HLCS: variants seen among roughly 807,000 people sequenced by gnomAD.
The protein encoded by HLCS is biotin--protein ligase.
In HLCS, 53 loss-of-function variants were observed where a neutral mutation model predicts 75.0. That is an observed-to-expected ratio of 0.71 (90% CI 0.57 to 0.89). HLCS has a LOEUF of 0.89. Ranked by LOEUF, HLCS falls within the 40% of genes least tolerant of loss-of-function variation. The pLI, the probability that HLCS is intolerant of heterozygous loss-of-function variation, is 0.00. For synonymous variants in HLCS, 431 were observed against 428.6 expected (o/e 1.01, Z -0.07); for missense variants, 966 against 1,074.0 (o/e 0.90, Z 1.41).
intron 6 of HLCS, among the ~76,000 whole-genome samples, chr21:36,884,018 C>A (rs148944694): frequency 2.4e-4 from 36 of 152,316 alleles, no homozygotes; most frequent in Non-Finnish European, 4.1e-4. Flanking sequence ...TGAGTCAACA[C>A]ATTTGTGGGC....
chr21:36,919,478 T>C (rs905058344), intron 5 of HLCS, among the ~76,000 whole-genome samples: 1 of 152,208 alleles, frequency 6.6e-6, no homozygotes, highest in African/African-American at 2.4e-5. Context: ...ATGCTCAAAG[T>C]GTTCCCACTG....
At chr21:36,967,387 G>C (rs2068653554), upstream of HLCS, among the ~76,000 whole-genome samples, 1 of 152,120 alleles carries the variant, frequency 6.6e-6, no homozygotes, top group East Asian at 1.9e-4. Context: ...CCTCTAAAAA[G>C]GCTGTGCCAG....
At chr21:36,802,338 G>A (rs1198143330) in intron 6 of HLCS, among the ~76,000 whole-genome samples, 2 of 152,180 alleles carry the variant, frequency 1.3e-5, no homozygotes, top group Admixed American at 6.5e-5. Flanking sequence ...TCCAGGCAAC[G>A]CCAGCCCAAC....
chr21:36,868,749 C>A (rs2835514), intron 6 of HLCS, among the ~76,000 whole-genome samples: 12,133 of 152,170 alleles, frequency 0.08, 1,617 homozygotes, highest in African/African-American at 0.28. Context: ...TTTGTCCCCA[C>A]GGAGCGTTGT....
In HLCS at chr21:36,752,819, C is replaced by T. The variant is rs2089419979; in HGVS notation, c.*1427G>A. ...AGACTATACTAAAAACCACAAGTTT[C>T]TGGAATTAGCCTGACTGGGTAAGAC... On this transcript the variant is annotated 3_prime_UTR_variant, in exon 11 of 11. Transcript: ENST00000674895. The T allele has an allele frequency of 6.6e-6, 1 of 152,194 alleles. No homozygotes were observed. 9.4% of individuals were successfully genotyped at this position (152,194 alleles called of 1,614,324 possible).
chr21:36,864,919 G>T (rs1441590528), intron 6 of HLCS, among the ~76,000 whole-genome samples: 1 of 152,114 alleles, frequency 6.6e-6, no homozygotes, highest in East Asian at 1.9e-4. Context: ...TCTTTAAACT[G>T]CTTCCAACAT....
intron 6 of HLCS, among the ~76,000 whole-genome samples, chr21:36,829,863 G>A (rs1472498783): frequency 3.3e-5 from 5 of 152,168 alleles, no homozygotes; most frequent in South Asian, 4.1e-4. Context: ...ATGAGCTCAC[G>A]TCTGATGGTT....
intron 6 of HLCS, among the ~76,000 whole-genome samples, chr21:36,873,405 C>G (rs1399743909): frequency 6.6e-6 from 1 of 152,198 alleles, no homozygotes; most frequent in Non-Finnish European, 1.5e-5. Context: ...CGTGAGCCAC[C>G]ACACCCAGCC....
intron 5 of HLCS, among the ~76,000 whole-genome samples, chr21:36,908,866 C>T (rs1280607481): frequency 1.3e-5 from 2 of 152,156 alleles, no homozygotes; most frequent in Admixed American, 1.3e-4. Flanking sequence ...TCTCCTGAGG[C>T]TCCAGGCTTA....
At chr21:36,890,512 CCT>C (rs1204311224) in intron 6 of HLCS, among the ~76,000 whole-genome samples, 5 of 152,138 alleles carry the variant, frequency 3.3e-5, no homozygotes, top group Non-Finnish European at 7.4e-5. Context: ...TGTGCTACTT[CCT>C]CTCCCCAGAG....
intron 6 of HLCS, among the ~76,000 whole-genome samples, chr21:36,868,235 AAG>A (rs1419040876): frequency 1.5e-5 from 2 of 130,698 alleles, no homozygotes; most frequent in Admixed American, 1.4e-4. Flanking sequence ...GAGAAAGAGA[AAG>A]AGAAAGAAAG....
chr21:36,849,461 G>T (rs1342025016), intron 6 of HLCS, among the ~76,000 whole-genome samples: 1 of 152,362 alleles, frequency 6.6e-6, no homozygotes, highest in East Asian at 1.9e-4. Flanking sequence ...TGGGACCCTG[G>T]TACCTCCTTC....
chr21:36,834,068 C>A (rs2062314958), intron 6 of HLCS, among the ~76,000 whole-genome samples: 1 of 152,236 alleles, frequency 6.6e-6, no homozygotes, highest in South Asian at 2.1e-4. Context: ...AGAGGGCTGA[C>A]TTTTCCTAGG....
At chr21:36,792,890 G>A (rs2060912383) in intron 6 of HLCS, among the ~76,000 whole-genome samples, 1 of 152,140 alleles carries the variant, frequency 6.6e-6, no homozygotes, top group Non-Finnish European at 1.5e-5. Flanking sequence ...TTTCTAGAGT[G>A]ACTCATGGTG....
intron 9 of HLCS, among the ~76,000 whole-genome samples, chr21:36,757,862 T>TTAAATC (rs2089665169): frequency 6.6e-6 from 1 of 152,192 alleles, no homozygotes; most frequent in South Asian, 2.1e-4. Context: ...TCGTAAGGCA[T>TTAAATC]TAAATCAAGT....
chr21:36,954,610 G>A (rs2067836245), intron 2 of HLCS, among the ~76,000 whole-genome samples: 1 of 151,880 alleles, frequency 6.6e-6, no homozygotes, highest in South Asian at 2.1e-4. Context: ...GCAAGACTCA[G>A]TCTCAAAAAA....
At chr21:36,945,685 A>G (rs1341326188) in intron 2 of HLCS, among the ~76,000 whole-genome samples, 6 of 152,204 alleles carry the variant, frequency 3.9e-5, no homozygotes, top group African/African-American at 1.4e-4. Flanking sequence ...AATGCTGACA[A>G]GTGTGTGGTT....
At chr21:36,964,396 T>C (rs2068461981) in intron 1 of HLCS, among the ~76,000 whole-genome samples, 1 of 152,264 alleles carries the variant, frequency 6.6e-6, no homozygotes, top group Non-Finnish European at 1.5e-5. Flanking sequence ...GCTTTCCACC[T>C]GTAGACCTTC....
chr21:36,851,282 G>C (rs953742477), intron 6 of HLCS, among the ~76,000 whole-genome samples: 1 of 152,152 alleles, frequency 6.6e-6, no homozygotes. Flanking sequence ...CAACCTAAGC[G>C]TCCATCAACA....
Sources: gnomAD v4.1 joint callset for allele counts (sites outside exome capture counted in the v4.1 genomes callset) on GRCh38, gnomAD v4.1.1 for gene constraint, MANE v1.5 for transcripts, NCBI Gene and HGNC (gene_info 2026-07-23, HGNC 2026-07-21) for gene names.